The following RBFOX3 variants were observed in gnomAD, a reference collection of about 807,000 sequenced individuals.
RBFOX3 encodes RNA binding fox-1 homolog 3.
RBFOX3 carries 17 observed loss-of-function variants against 48.7 expected under a neutral mutation model. The observed-to-expected ratio is 0.35, with a 90% CI of 0.24 to 0.52. The LOEUF (loss-of-function observed/expected upper bound fraction) is 0.52. RBFOX3 is among the 20% of genes least tolerant of loss of function. RBFOX3 has a pLI of 0.94. For synonymous variants in RBFOX3, 212 were observed against 209.5 expected (o/e 1.01, Z -0.10); for missense variants, 382 against 497.5 (o/e 0.77, Z 2.21).
chr17:79,532,784 G>A (rs1323886034), intron 1 of RBFOX3, among the ~76,000 whole-genome samples: 1 of 152,230 alleles, frequency 6.6e-6, no homozygotes, highest in African/African-American at 2.4e-5. Context: ...CACAGGGACC[G>A]ATTCCTGCCC....
intron 4 of RBFOX3, among the ~76,000 whole-genome samples, chr17:79,166,261 C>T (rs1244000397): frequency 1.3e-5 from 2 of 151,662 alleles, no homozygotes; most frequent in African/African-American, 4.8e-5. Flanking sequence ...CACCCCCCAG[C>T]GCAGCCTCCC....
chr17:79,356,368 T>TG (rs2085073333), intron 2 of RBFOX3, among the ~76,000 whole-genome samples: 7 of 97,738 alleles, frequency 7.2e-5, no homozygotes, highest in Non-Finnish European at 1.3e-4. Flanking sequence ...TTTTTTTTTT[T>TG]TTTTTTTTTT....
chr17:79,652,003 C>T, the RBFOX3 span, among the ~76,000 whole-genome samples: 1 of 151,528 alleles, frequency 6.6e-6, no homozygotes, highest in African/African-American at 2.4e-5. Context: ...CCCAGTCATG[C>T]CCTAGATGCC....
chr17:79,663,628 G>A, the RBFOX3 span, among the ~76,000 whole-genome samples: 2 of 152,166 alleles, frequency 1.3e-5, no homozygotes, highest in Non-Finnish European at 2.9e-5. Flanking sequence ...AGTTTCATCT[G>A]CAGACAGAAT....
rs200715074 is a variant in RBFOX3 at position 79,093,140 on chromosome 17, T to TG, written c.1077+1310dup. On this transcript the variant is annotated intron_variant, in intron 14 of 14. Transcript: ENST00000693108. ...GCATAGTGTTCAGAGCCTTGCTCTC[T>TG]GGGGGGGTCTCTGGGTCCTCCTGGG... 1.4e-3 allele frequency among the ~76,000 whole-genome samples: 206 copies of TG among 152,150 alleles called. 3 individuals carry two copies. In the East Asian group the frequency reaches 0.026, roughly 19 times the overall value.
chr17:79,582,962 C>G (rs1410853477), intron 1 of RBFOX3, among the ~76,000 whole-genome samples: 1 of 152,174 alleles, frequency 6.6e-6, no homozygotes, highest in African/African-American at 2.4e-5. Flanking sequence ...CAATGGGCCT[C>G]TGGTGCCCAC....
At position 79,311,108 on chromosome 17, in the gene RBFOX3, A is replaced by G. The variant is rs930721343; in HGVS notation, c.-174-3284T>C. On this transcript the variant is annotated intron_variant, in intron 2 of 14. Transcript: ENST00000693108. The surrounding 1 kb of genome is among the most constrained non-coding windows in gnomAD (Gnocchi z 4.2). The stretch of plus-strand genomic sequence containing the variant: ...TTAAAAGGCCTTAACAGCAAAAACT[A>G]AGGTTCCCTGGGGAAAACATTCTGC... 1.3e-5 allele frequency among the ~76,000 whole-genome samples: 2 copies of G among 152,182 alleles called. No homozygotes were observed. The highest frequency in any genetic ancestry group is 2.4e-5 in the African/African-American group (1 of 41,454).
chr17:79,599,144 C>A (rs962891410), intron 1 of RBFOX3: 1 of 152,290 alleles, frequency 6.6e-6, no homozygotes, highest in East Asian at 1.9e-4. Flanking sequence ...CCCACGGGGG[C>A]AAGTTTCCAC....
chr17:79,611,169 T>TCTCTCTCTCGCTCTCGCTCTCGCTCTCG, upstream of RBFOX3, among the ~76,000 whole-genome samples: 235 of 25,926 alleles, frequency 9.1e-3, 38 homozygotes, highest in Non-Finnish European at 0.013. Flanking sequence ...TCTCTCTCTC[T>TCTCTCTCTCGCTCTCGCTCTCGCTCTCG]CTCTCCGCCC....
At chr17:79,560,018 G>A (rs939206875) in intron 1 of RBFOX3, among the ~76,000 whole-genome samples, 35,123 of 143,076 alleles carry the variant, frequency 0.25, 5,352 homozygotes, top group South Asian at 0.44. Context: ...GGATGGGTGG[G>A]TGGGTGTATG....
intron 2 of RBFOX3, among the ~76,000 whole-genome samples, chr17:79,458,689 G>A (rs541234570): frequency 3.1e-4 from 47 of 152,310 alleles, no homozygotes; most frequent in Middle Eastern, 3.4e-3. Flanking sequence ...TGGGGCGGGG[G>A]CAGCAGCTGG....
chr17:79,372,731 GA>G (rs143314453), intron 2 of RBFOX3, among the ~76,000 whole-genome samples: 2,754 of 152,234 alleles, frequency 0.018, 86 homozygotes, highest in African/African-American at 0.063. Context: ...TCATGCTCCA[GA>G]AAAAGGGGAG....
intron 2 of RBFOX3, among the ~76,000 whole-genome samples, chr17:79,313,391 T>C (rs2145768604): frequency 6.6e-6 from 1 of 152,254 alleles, no homozygotes; most frequent in East Asian, 1.9e-4. Flanking sequence ...ATGCCTCACT[T>C]CTTCACTCAC....
At chr17:79,388,128 GCATA>G (rs1226658661) in intron 2 of RBFOX3, among the ~76,000 whole-genome samples, 1 of 152,122 alleles carries the variant, frequency 6.6e-6, no homozygotes, top group Admixed American at 6.5e-5. Flanking sequence ...GTGTGGTTGT[GCATA>G]CAAATGTGTG....
chr17:79,546,490 C>T (rs951895078), intron 1 of RBFOX3, among the ~76,000 whole-genome samples: 6 of 151,958 alleles, frequency 3.9e-5, no homozygotes, highest in African/African-American at 1.5e-4. Context: ...CAGGGTTGAT[C>T]GATGGCTTGT....
chr17:79,656,772 AGG>A, the RBFOX3 span, among the ~76,000 whole-genome samples: 3 of 33,968 alleles, frequency 8.8e-5, no homozygotes, highest in African/African-American at 1.6e-4. Flanking sequence ...GAAGGAAGGA[AGG>A]AAGGAAAGAA....
upstream of RBFOX3, among the ~76,000 whole-genome samples, chr17:79,615,849 G>T (rs2093991636): frequency 6.6e-6 from 1 of 152,120 alleles, no homozygotes; most frequent in Admixed American, 6.5e-5. Context: ...CCTTGCCCAA[G>T]AACTCCCTAA....
At chr17:79,434,110 G>A (rs948300541) in intron 2 of RBFOX3, among the ~76,000 whole-genome samples, 6 of 152,262 alleles carry the variant, frequency 3.9e-5, no homozygotes, top group Admixed American at 6.5e-5. Context: ...GCACAAAAAC[G>A]TGAAGAACAT....
intron 1 of RBFOX3, among the ~76,000 whole-genome samples, chr17:79,585,943 C>T (rs1164763850): frequency 3.9e-5 from 6 of 152,342 alleles, no homozygotes; most frequent in African/African-American, 1.4e-4. Context: ...TGACCCCCAG[C>T]TGAGCTCCTG....
Sources: allele counts gnomAD v4.1 joint callset (sites outside exome capture counted in the v4.1 genomes callset), GRCh38; gene constraint gnomAD v4.1.1; non-coding constraint Gnocchi (gnomAD v3.1); transcripts MANE v1.5; gene names NCBI Gene and HGNC (gene_info 2026-07-23, HGNC 2026-07-21).